Variants in ATR observed in about 807,000 individuals in gnomAD.
The protein encoded by ATR is ATR checkpoint kinase.
Under a neutral mutation model 305.3 loss-of-function variants are expected in ATR, and 142 were observed. That is an observed-to-expected ratio of 0.47 (90% CI 0.41 to 0.53). ATR has a LOEUF of 0.53. ATR is among the 20% of genes least tolerant of loss of function. The pLI is 0.00. For synonymous variants in ATR, 1,050 were observed against 1,068.1 expected (o/e 0.98, Z 0.33); for missense variants, 2,135 against 3,133.1 (o/e 0.68, Z 7.60).
intron 24 of ATR, among the ~76,000 whole-genome samples, chr3:142,518,824 AT>A (rs1365806614): frequency 6.6e-6 from 1 of 152,070 alleles, no homozygotes; most frequent in East Asian, 1.9e-4. Flanking sequence ...AGTTGTATGG[AT>A]TTTTTTCATA....
intron 7 of ATR, 41 bp downstream of exon 7, chr3:142,559,210 T>C (rs2108479046): frequency 1.9e-6 from 3 of 1,583,086 alleles, no homozygotes; most frequent in South Asian, 1.1e-5. Context: ...ATACTGATTA[T>C]CTTTAAAGGT....
chr3:142,556,168 C>T (rs2108472148), intron 9 of ATR, 29 bp from the exon 10 acceptor site: 1 of 1,610,482 alleles, frequency 6.2e-7, no homozygotes, highest in Non-Finnish European at 8.5e-7. Flanking sequence ...AAGTACTAAA[C>T]TTTCTTGCCT....
At chr3:142,465,320 GTA>G in intron 40 of ATR, 80 bp from the exon 41 acceptor site, 1 of 964,256 alleles carries the variant, frequency 1.0e-6, no homozygotes, top group Non-Finnish European at 1.5e-6. Context: ...CTTGAGTTAT[GTA>G]AAAAAAAAAA....
intron 3 of ATR, among the ~76,000 whole-genome samples, chr3:142,563,422 T>G (rs2034955444): frequency 6.6e-6 from 1 of 152,220 alleles, no homozygotes; most frequent in South Asian, 2.1e-4. Context: ...CTCAAAATAT[T>G]TCAAACATTT....
At chr3:142,508,990 T>C (rs2032407313) in intron 27 of ATR, among the ~76,000 whole-genome samples, 2 of 151,522 alleles carry the variant, frequency 1.3e-5, no homozygotes, top group South Asian at 2.1e-4. Flanking sequence ...ACAAGTACTT[T>C]AGGATAATTT....
Position 142,459,361 on chromosome 3 carries a change from T to C in ATR, c.7215A>G (p.Glu2405=). 9 of 1,613,926 alleles carry C rather than the reference T, an allele frequency of 5.6e-6. No individual in the cohort carries two copies. The highest frequency in any genetic ancestry group is 7.6e-6 in the Non-Finnish European group (9 of 1,179,846). The stretch of plus-strand genomic sequence containing the variant: ...ACTTTGGTAGCATACACTGGCGAAG[T>C]TCTTTTCCTGTCATATACACTCCTG... The part of the protein sequence containing the change: ...KEKGVYMTGK[E]LRQCMLPKSA... The change falls in exon 43 of 47, where the codon GAA becomes GAG. Residue 2405 remains glutamate, a synonymous_variant. Coordinates refer to ENST00000350721, the MANE Select transcript of ATR (RefSeq NM_001184.4).
At chr3:142,452,518 A>G (rs1266257902) in intron 46 of ATR, 10 of 636,860 alleles carry the variant, frequency 1.6e-5, no homozygotes, top group Middle Eastern at 1.6e-3. Flanking sequence ...TACTAAAAAT[A>G]TAATAATTAG....
At chr3:142,457,303 G>C (rs940251128) in intron 45 of ATR, among the ~76,000 whole-genome samples, 1 of 152,056 alleles carries the variant, frequency 6.6e-6, no homozygotes, top group Admixed American at 6.5e-5. Context: ...GGGGTGGGAG[G>C]GGGAAGGGAT....
chr3:142,451,335 A>G (rs2070785233), intron 46 of ATR: 1 of 1,299,792 alleles, frequency 7.7e-7, no homozygotes, highest in African/African-American at 1.5e-5. Context: ...TGTTGCAACA[A>G]AAAATTTTCA....
intron 25 of ATR, among the ~76,000 whole-genome samples, chr3:142,514,720 T>C (rs2032777737): frequency 7.2e-6 from 1 of 138,632 alleles, no homozygotes; most frequent in South Asian, 2.2e-4. Context: ...GGCGGGAGAA[T>C]CACTTGAACC....
intron 24 of ATR, among the ~76,000 whole-genome samples, chr3:142,516,984 A>ATATATATATAT (rs2032892222): frequency 7.2e-6 from 1 of 139,130 alleles, no homozygotes; most frequent in African/African-American, 2.7e-5. Flanking sequence ...ATACCCAAAT[A>ATATATATATAT]ATATATATAT....
chr3:142,523,427 A>C (rs1165099649), intron 22 of ATR, among the ~76,000 whole-genome samples: 2 of 152,140 alleles, frequency 1.3e-5, no homozygotes, highest in African/African-American at 2.4e-5. Flanking sequence ...CCAAAAAAAA[A>C]CACAAAATGT....
intron 30 of ATR, among the ~76,000 whole-genome samples, chr3:142,500,888 C>T (rs2031922952): frequency 6.6e-6 from 1 of 152,090 alleles, no homozygotes; most frequent in African/African-American, 2.4e-5. Flanking sequence ...TGTTATCCAA[C>T]TGTGGGATAA....
chr3:142,548,160 C>T (rs942987874), intron 15 of ATR, among the ~76,000 whole-genome samples: 1 of 152,064 alleles, frequency 6.6e-6, no homozygotes, highest in Non-Finnish European at 1.5e-5. Flanking sequence ...AAAAGCAAGT[C>T]CTAGTTTTCT....
chr3:142,497,299 G>A, intron 32 of ATR, 107 bp from the exon 33 acceptor site: 2 of 1,133,686 alleles, frequency 1.8e-6, no homozygotes, highest in Non-Finnish European at 2.5e-6. Context: ...AAAATACACA[G>A]TTGTCTTTGG....
intron 3 of ATR, 32 bp downstream of exon 3, chr3:142,566,089 T>C (rs772699855): frequency 3.1e-6 from 5 of 1,613,574 alleles, no homozygotes; most frequent in Non-Finnish European, 4.2e-6. Flanking sequence ...ATAGAACAGA[T>C]GGCAAGTGAA....
intron 22 of ATR, 42 bp downstream of exon 22, chr3:142,523,951 G>A (rs748702136): frequency 8.3e-6 from 13 of 1,575,522 alleles, no homozygotes; most frequent in Admixed American, 1.7e-5. Context: ...AACCTCAATA[G>A]GACAGAGAAC....
chr3:142,523,909 A>G, intron 22 of ATR, 84 bp downstream of exon 22: 4 of 1,380,722 alleles, frequency 2.9e-6, no homozygotes, highest in South Asian at 1.3e-5. Flanking sequence ...ATTAAGGATA[A>G]GCTGAATAGT....
Position 142,509,653 on chromosome 3 carries a change from C to T in ATR, c.4853-1544G>A, listed in dbSNP as rs566446929. Among the ~76,000 whole-genome samples the T allele has an allele frequency of 2.8e-4, 41 of 144,738 alleles. 1 individual carries two copies. Among genetic ancestry groups the T allele is most frequent in the African/African-American group, 1.0e-3 (39 of 38,944 alleles). The allele number at this position is 144,738 out of a possible 152,430, so 95.0% of individuals were successfully genotyped here. A position where few individuals can be genotyped will look rare whatever the true frequency, so the allele number is the denominator to read the frequency against. Reference sequence around the variant, plus strand: ...CTCACCGTAGCCTCAATCTCACAGGCTCAAGCAATCCCCACACTTCAGCCT... The same window carrying T: ...CTCACCGTAGCCTCAATCTCACAGGTTCAAGCAATCCCCACACTTCAGCCT... On this transcript the variant is annotated intron_variant, in intron 27 of 46. Transcript: ENST00000350721.
Sources: allele counts gnomAD v4.1 joint callset (sites outside exome capture counted in the v4.1 genomes callset), GRCh38; gene constraint gnomAD v4.1.1; transcripts MANE v1.5; gene names NCBI Gene and HGNC (gene_info 2026-07-23, HGNC 2026-07-21).